SLAIN2: variants seen among roughly 807,000 people sequenced by gnomAD.
SLAIN2 encodes SLAIN family member 2.
SLAIN2 carries 31 observed loss-of-function variants against 56.6 expected under a neutral mutation model. The observed-to-expected ratio is 0.55, with a 90% CI of 0.41 to 0.74. The LOEUF (loss-of-function observed/expected upper bound fraction) is 0.74, where lower values mean the gene tolerates loss of function less well. Ranked by LOEUF, SLAIN2 falls within the 30% of genes least tolerant of loss-of-function variation. The pLI, the probability that SLAIN2 is intolerant of heterozygous loss-of-function variation, is 0.00. For synonymous variants in SLAIN2, 317 were observed against 284.9 expected (o/e 1.11, Z -1.13); for missense variants, 777 against 754.2 (o/e 1.03, Z -0.35).
At position 48,347,246 on chromosome 4, in the gene SLAIN2, G is replaced by A. The variant is rs547907170; in HGVS notation, c.389+5118G>A. 7.0e-4 allele frequency among the ~76,000 whole-genome samples: 105 copies of A among 150,472 alleles called. 4 individuals are homozygous for A. The highest frequency in any genetic ancestry group is 2.5e-3 in the African/African-American group (98 of 39,890). Reference sequence around the variant, plus strand: ...CGCAACCTTTTTGGCATCAGGGACCGGTTTCGTGGAAGACAATTTTTCTGT... The same window carrying A: ...CGCAACCTTTTTGGCATCAGGGACCAGTTTCGTGGAAGACAATTTTTCTGT... On this transcript the variant is annotated intron_variant, in intron 1 of 7. Coordinates refer to ENST00000264313, the MANE Select transcript of SLAIN2 (RefSeq NM_020846.2).
chr4:48,413,910 T>A (rs1198323127), intron 6 of SLAIN2, among the ~76,000 whole-genome samples: 1 of 152,178 alleles, frequency 6.6e-6, no homozygotes, highest in Non-Finnish European at 1.5e-5. Flanking sequence ...GTTAAAAAGA[T>A]ATGTATAATT....
rs1231982879 is a variant in SLAIN2, at chr4:48,423,222, AT to A, written c.*1147del. On this transcript the variant is annotated 3_prime_UTR_variant, in exon 8 of 8. Coordinates refer to ENST00000264313, the MANE Select transcript of SLAIN2 (RefSeq NM_020846.2). ...TAACTGTATAAAACATCTATTGAAA[AT>A]TCTTTTCCTTTTGACTTAGATTCTG... 6.6e-6 allele frequency: 1 copy of A among 152,032 alleles called. No homozygotes were observed. Among genetic ancestry groups the A allele is most frequent in the East Asian group, 1.9e-4 (1 of 5,170 alleles). 9.4% of individuals were successfully genotyped at this position (152,032 alleles called of 1,614,324 possible). A position where few individuals can be genotyped will look rare whatever the true frequency, so the allele number is the denominator to read the frequency against.
At chr4:48,351,029 G>A (rs1349942890) in intron 1 of SLAIN2, among the ~76,000 whole-genome samples, 1 of 152,206 alleles carries the variant, frequency 6.6e-6, no homozygotes, top group African/African-American at 2.4e-5. Context: ...TCCCACTTCT[G>A]CAGTGTACTA....
intron 6 of SLAIN2, among the ~76,000 whole-genome samples, chr4:48,413,742 A>C (rs1716926537): frequency 6.6e-6 from 1 of 152,174 alleles, no homozygotes; most frequent in South Asian, 2.1e-4. Flanking sequence ...CTATATACTT[A>C]CTGGGCATTT....
intron 6 of SLAIN2, among the ~76,000 whole-genome samples, chr4:48,402,213 T>TC: frequency 6.6e-6 from 1 of 151,804 alleles, no homozygotes; most frequent in Non-Finnish European, 1.5e-5. Context: ...TTTTTTTTTT[T>TC]TCCTTCATTT....
At chr4:48,393,972 A>G (rs79157164) in intron 6 of SLAIN2, among the ~76,000 whole-genome samples, 2,359 of 152,308 alleles carry the variant, frequency 0.015, 29 homozygotes, top group Non-Finnish European at 0.025. Context: ...ATTACATAGC[A>G]TGCTCCCCAC....
At chr4:48,362,228 G>T (rs1264645277) in intron 1 of SLAIN2, among the ~76,000 whole-genome samples, 7 of 151,928 alleles carry the variant, frequency 4.6e-5, no homozygotes, top group African/African-American at 1.7e-4. Context: ...AGTCTTAGGA[G>T]AAACTATTTG....
intron 6 of SLAIN2, 21 bp from the exon 7 acceptor site, chr4:48,420,104 T>G: frequency 6.2e-7 from 1 of 1,610,390 alleles, no homozygotes. Flanking sequence ...CAAAAATTGG[T>G]TTTTCTTTGC....
At chr4:48,353,391 T>A (rs895469297) in intron 1 of SLAIN2, among the ~76,000 whole-genome samples, 2 of 152,090 alleles carry the variant, frequency 1.3e-5, no homozygotes, top group Non-Finnish European at 2.9e-5. Context: ...AGAACTTTGA[T>A]GGTTGGAAAG....
intron 6 of SLAIN2, among the ~76,000 whole-genome samples, chr4:48,414,408 A>T (rs1055260373): frequency 1.3e-5 from 2 of 152,292 alleles, no homozygotes. Flanking sequence ...AGAATGCCTT[A>T]CAATTTGTTT....
At chr4:48,368,820 A>C (rs142034235) in intron 1 of SLAIN2, among the ~76,000 whole-genome samples, 351 of 152,350 alleles carry the variant, frequency 2.3e-3, no homozygotes, top group African/African-American at 7.6e-3. Context: ...TCAAAACTAA[A>C]TAATGCATAT....
chr4:48,370,111 C>T, intron 2 of SLAIN2, 114 bp downstream of exon 2: 2 of 1,034,982 alleles, frequency 1.9e-6, no homozygotes, highest in South Asian at 1.7e-5. Context: ...TTTCAAATCT[C>T]ATTGTTCATA....
In SLAIN2 at chr4:48,408,333, A is replaced by C. The variant is rs77617797; in HGVS notation, c.1361-11792A>C. On this transcript the variant is annotated intron_variant, in intron 6 of 7. Coordinates refer to ENST00000264313, the MANE Select transcript of SLAIN2 (RefSeq NM_020846.2). ...CAGAGCAAGACAACCCTATCTCAAA[A>C]AATCTAAAACGAACAAAAAAAAAAA... 5.5e-3 allele frequency among the ~76,000 whole-genome samples: 844 copies of C among 152,164 alleles called. 10 individuals are homozygous for C. The highest frequency in any genetic ancestry group is 0.019 in the African/African-American group (806 of 41,502).
chr4:48,358,099 T>C (rs1044195606), intron 1 of SLAIN2, among the ~76,000 whole-genome samples: 2 of 152,212 alleles, frequency 1.3e-5, no homozygotes, highest in African/African-American at 4.8e-5. Context: ...GGAGCACTTT[T>C]GGTTTTGCCA....
chr4:48,363,388 G>GA (rs1577714359), intron 1 of SLAIN2, among the ~76,000 whole-genome samples: 1 of 81,580 alleles, frequency 1.2e-5, no homozygotes, highest in Non-Finnish European at 2.9e-5. Flanking sequence ...GCCGGGCGGG[G>GA]GGGCTGACCC....
At chr4:48,387,633 A>C (rs1027325537) in intron 6 of SLAIN2, among the ~76,000 whole-genome samples, 1 of 152,012 alleles carries the variant, frequency 6.6e-6, no homozygotes, top group African/African-American at 2.4e-5. Context: ...GTATAGAATT[A>C]TACTGTTCTC....
chr4:48,379,984 T>C lies in SLAIN2; in HGVS notation c.862+136T>C, dbSNP rs555177413. ...TGTTGCAGTGGACATTTCAGAGACTTAGTCAACATATGTACATGTTTATTC... is the reference window on the plus strand; with the variant it reads ...TGTTGCAGTGGACATTTCAGAGACTCAGTCAACATATGTACATGTTTATTC... On this transcript the variant is annotated intron_variant, in intron 4 of 7. Coordinates refer to ENST00000264313, the MANE Select transcript of SLAIN2 (RefSeq NM_020846.2). 47 of 776,070 alleles carry C rather than the reference T, an allele frequency of 6.1e-5. No individual in the cohort carries two copies. The African/African-American group carries it at 7.6e-4, about 13-fold the overall frequency. 48.1% of individuals were successfully genotyped at this position (776,070 alleles called of 1,614,324 possible). A position where few individuals can be genotyped will look rare whatever the true frequency, so the allele number is the denominator to read the frequency against.
chr4:48,357,115 T>TTA (rs545023581), intron 1 of SLAIN2, among the ~76,000 whole-genome samples: 25 of 150,718 alleles, frequency 1.7e-4, no homozygotes, highest in East Asian at 1.2e-3. Flanking sequence ...GAAGAACATA[T>TTA]TATATATATA....
chr4:48,372,051 C>CAT (rs35913175), intron 2 of SLAIN2, among the ~76,000 whole-genome samples: 32 of 147,740 alleles, frequency 2.2e-4, no homozygotes, highest in Admixed American at 4.0e-4. Flanking sequence ...TACATATATA[C>CAT]ATATATATAT....
Sources: allele counts gnomAD v4.1 joint callset (sites outside exome capture counted in the v4.1 genomes callset), GRCh38; gene constraint gnomAD v4.1.1; transcripts MANE v1.5; gene names NCBI Gene and HGNC (gene_info 2026-07-23, HGNC 2026-07-21).